Variants in ZNF365 observed in about 807,000 individuals in gnomAD.
ZNF365 encodes the protein zinc finger protein 365, also known as protein ZNF365.
Under a neutral mutation model 35.0 loss-of-function variants are expected in ZNF365, and 22 were observed. The ratio of observed to expected loss-of-function variants is 0.63; its 90% CI spans 0.45 to 0.90. The LOEUF is 0.90. ZNF365 is among the 40% of genes least tolerant of loss of function. The pLI is 0.00. For missense variants in ZNF365, 448 were observed against 500.3 expected (o/e 0.90, Z 1.00); for synonymous variants, 188 against 196.2 (o/e 0.96, Z 0.35).
At chr10:62,437,755 T>C (rs544118930) in intron 3 of ZNF365, among the ~76,000 whole-genome samples, 1 of 152,310 alleles carries the variant, frequency 6.6e-6, no homozygotes, top group South Asian at 2.1e-4. Flanking sequence ...TTCTTTTCCT[T>C]CCTTTGACCA....
intron 4 of ZNF365, among the ~76,000 whole-genome samples, chr10:62,462,379 C>T (rs532256735): frequency 2.6e-5 from 4 of 152,246 alleles, no homozygotes; most frequent in Non-Finnish European, 2.9e-5. Context: ...CCTGTTGCTC[C>T]TGTGAGCTGT....
Position 62,401,197 on chromosome 10 carries a change from T to C in ZNF365, c.*1408T>C. ...AGTATATTAATAATTTATTTTTAAA[T>C]ACTCATGGAGAAAGTGTGTGTTTGT... On this transcript the variant is annotated 3_prime_UTR_variant, in exon 5 of 5. Transcript: ENST00000395254. 1 of 981,238 alleles carries C rather than the reference T, an allele frequency of 1.0e-6. No individual in the cohort carries two copies. Among genetic ancestry groups the C allele is most frequent in the Non-Finnish European group, 1.2e-6 (1 of 826,066 alleles). 60.8% of individuals were successfully genotyped at this position (981,238 alleles called of 1,614,324 possible).
chr10:62,391,494 T>A (rs1355633720), intron 3 of ZNF365, among the ~76,000 whole-genome samples: 1 of 152,096 alleles, frequency 6.6e-6, no homozygotes, highest in Non-Finnish European at 1.5e-5. Flanking sequence ...GAACATACAA[T>A]GTTTGGTTTT....
chr10:62,425,065 T>C (rs530999995), intron 3 of ZNF365, among the ~76,000 whole-genome samples: 1 of 152,310 alleles, frequency 6.6e-6, no homozygotes, highest in Non-Finnish European at 1.5e-5. Flanking sequence ...AAGTTTTTCA[T>C]TTCAAGAGTC....
chr10:62,403,169 T>C (rs1839856281), downstream of ZNF365, among the ~76,000 whole-genome samples: 1 of 152,242 alleles, frequency 6.6e-6, no homozygotes, highest in South Asian at 2.1e-4. Flanking sequence ...ATCTACCGTA[T>C]TCTTACAATC....
At chr10:62,399,420 T>A (rs1009712460) in intron 4 of ZNF365, 108 bp from the exon 5 acceptor site, 12 of 1,481,926 alleles carry the variant, frequency 8.1e-6, no homozygotes, top group Non-Finnish European at 1.1e-5. Flanking sequence ...TTATCACCAC[T>A]GTAGCATGTA....
intron 3 of ZNF365, among the ~76,000 whole-genome samples, chr10:62,395,726 T>C (rs1839714853): frequency 6.6e-6 from 1 of 152,170 alleles, no homozygotes; most frequent in South Asian, 2.1e-4. Context: ...TCAAAGGAAA[T>C]GCTCGTTGGA....
chr10:62,405,181 A>G (rs922905356), downstream of ZNF365, among the ~76,000 whole-genome samples: 1 of 152,198 alleles, frequency 6.6e-6, no homozygotes, highest in Non-Finnish European at 1.5e-5. Context: ...GTTCAGTTAA[A>G]TCAACAGCAG....
In ZNF365 at chr10:62,398,772, A is replaced by G. The variant is rs1839773692; in HGVS notation, c.957A>G (p.Lys319=). 1.2e-6 allele frequency: 2 copies of G among 1,612,130 alleles called. No individual in the cohort carries two copies. The highest frequency in any genetic ancestry group is 1.7e-6 in the Non-Finnish European group (2 of 1,179,270). Residue 319 remains lysine, a synonymous_variant, in exon 4 of 5, where the codon AAA becomes AAG. Transcript: ENST00000395254. ...LTDISSNRKP[K]CLSRGHPHSV... ...ACATCTCCTCAAATAGGAAGCCCAAATGCCTGTATGTATGTATTTTTATAC... is the reference window on the plus strand; with the variant it reads ...ACATCTCCTCAAATAGGAAGCCCAAGTGCCTGTATGTATGTATTTTTATAC...
downstream of ZNF365, among the ~76,000 whole-genome samples, chr10:62,403,544 G>A (rs914712542): frequency 6.6e-6 from 1 of 152,196 alleles, no homozygotes. Context: ...TGTAGTCCCA[G>A]CTACTCAGGA....
intron 3 of ZNF365, among the ~76,000 whole-genome samples, chr10:62,427,092 G>C (rs1228382821): frequency 1.3e-5 from 2 of 152,146 alleles, no homozygotes; most frequent in African/African-American, 2.4e-5. Context: ...TAACATCCTA[G>C]CGCAACACGT....
At chr10:62,388,326 A>T (rs1020298232) in intron 2 of ZNF365, 70 bp from the exon 3 acceptor site, 19 of 1,577,556 alleles carry the variant, frequency 1.2e-5, no homozygotes, top group Non-Finnish European at 1.6e-5. Context: ...GCACTCAATA[A>T]ATATGTGTTG....
chr10:62,388,579 G>A lies in ZNF365; in HGVS notation c.924+3G>A, dbSNP rs376625531. ...TCCGTGATCTCAGCGGGCACGTGGT[G>A]AGTCACCCCGGGCCAGCCACCGAGT... On this transcript the variant is annotated splice_donor_region_variant and intron_variant, in intron 3 of 4. Transcript: ENST00000395254. The A allele has an allele frequency of 1.2e-6, 2 of 1,613,236 alleles. No homozygotes were observed. Among genetic ancestry groups the A allele is most frequent in the African/African-American group, 1.3e-5 (1 of 74,890 alleles).
intron 3 of ZNF365, among the ~76,000 whole-genome samples, chr10:62,425,821 A>G (rs1028770573): frequency 3.4e-4 from 51 of 152,188 alleles, no homozygotes; most frequent in African/African-American, 1.2e-3. Flanking sequence ...TTAGAAGACA[A>G]GGTCTATGAA....
chr10:62,380,097 G>A (rs1839411033), intron 2 of ZNF365, among the ~76,000 whole-genome samples: 1 of 152,198 alleles, frequency 6.6e-6, no homozygotes, highest in South Asian at 2.1e-4. Context: ...AAGACCCAAA[G>A]GCTGCTTCTG....
Position 62,399,628 on chromosome 10 carries a change from G to C in ZNF365, c.1063G>C (p.Ala355Pro), listed in dbSNP as rs1380179678. The change falls in exon 5 of 5, where the codon GCC becomes CCC. Residue 355 changes from alanine to proline, a missense_variant. Physicochemically the swap from Ala to Pro is conservative, Grantham distance 27. Around this residue, in one of 3 missense-constraint regions of ZNF365, gnomAD observed 362 missense variants for 375.7 expected, o/e 0.96. Transcript: ENST00000395254. The part of the protein sequence containing the change: ...NHLKKAKDDR[A>P]SMQPAKAIHE... ...CCTGAAAAAGGCCAAGGATGACAGA[G>C]CCAGCATGCAGCCTGCCAAGGCCAT... 6.2e-7 allele frequency: 1 copy of C among 1,614,092 alleles called. No homozygotes were observed. Among genetic ancestry groups the C allele is most frequent in the South Asian group, 1.1e-5 (1 of 91,082 alleles).
chr10:62,447,299 A>AAT (rs1554827926), intron 3 of ZNF365, among the ~76,000 whole-genome samples: 5 of 152,180 alleles, frequency 3.3e-5, no homozygotes, highest in East Asian at 3.9e-4. Context: ...TAAACTAAAA[A>AAT]ATATATATAT....
chr10:62,441,660 T>C (rs1840503722), intron 3 of ZNF365, among the ~76,000 whole-genome samples: 1 of 152,194 alleles, frequency 6.6e-6, no homozygotes, highest in South Asian at 2.1e-4. Context: ...TCACTTGGCA[T>C]TTCATCTGTG....
chr10:62,415,122 C>A (rs1840053219), intron 3 of ZNF365, among the ~76,000 whole-genome samples: 1 of 152,026 alleles, frequency 6.6e-6, no homozygotes, highest in Admixed American at 6.6e-5. Context: ...AAAGTCTTTG[C>A]TAATTCCAAT....
Sources: gnomAD v4.1 joint callset for allele counts (sites outside exome capture counted in the v4.1 genomes callset) on GRCh38, gnomAD v4.1.1 for gene constraint, gnomAD v4.1.1 regional missense constraint, MANE v1.5 for transcripts, NCBI Gene and HGNC (gene_info 2026-07-23, HGNC 2026-07-21) for gene names.